Variants in BRD10 observed in about 807,000 individuals in gnomAD.
BRD10 encodes uncharacterized bromodomain-containing protein 10.
the BRD10 span, among the ~76,000 whole-genome samples, chr9:5,918,642 CTT>C: frequency 1.9e-3 from 258 of 133,988 alleles, no homozygotes; most frequent in African/African-American, 5.3e-3. Context: ...CCGTTAGTGG[CTT>C]TTTTTTTTTT....
At chr9:5,919,783 A>G in the BRD10 span, 1 of 1,613,772 alleles carries the variant, frequency 6.2e-7, no homozygotes, top group Non-Finnish European at 8.5e-7. Context: ...TCTGAGAGAG[A>G]GATGGAGAGA....
the BRD10 span, among the ~76,000 whole-genome samples, chr9:5,988,105 T>C: frequency 1.3e-5 from 2 of 152,246 alleles, no homozygotes; most frequent in African/African-American, 2.4e-5. Context: ...GAATGAATAC[T>C]ACTAGAAATC....
the BRD10 span, among the ~76,000 whole-genome samples, chr9:5,977,355 A>C: frequency 6.6e-6 from 1 of 152,202 alleles, no homozygotes; most frequent in Non-Finnish European, 1.5e-5. Flanking sequence ...AAAAAAGTAC[A>C]TGGCTGGTAT....
chr9:5,968,441 T>A, the BRD10 span: 1 of 1,612,366 alleles, frequency 6.2e-7, no homozygotes, highest in East Asian at 2.2e-5. Context: ...GCCAGTAACT[T>A]CCCCTGGACT....
the BRD10 span, chr9:5,881,518 C>T: frequency 6.6e-6 from 1 of 152,282 alleles, no homozygotes; most frequent in Non-Finnish European, 1.5e-5. Context: ...CCAGGGATGT[C>T]CTCCCAGGTG....
chr9:5,967,968 A>C, the BRD10 span: 2 of 1,197,210 alleles, frequency 1.7e-6, no homozygotes, highest in Middle Eastern at 5.7e-4. Flanking sequence ...AATGGAAAAA[A>C]CAATTTGAAT....
At chr9:6,008,224 C>T in the BRD10 span, 1 of 978,382 alleles carries the variant, frequency 1.0e-6, no homozygotes, top group Non-Finnish European at 1.2e-6. Context: ...CCGGAGGGGG[C>T]CGCAGCGGCG....
the BRD10 span, among the ~76,000 whole-genome samples, chr9:5,905,377 C>T: frequency 2.7e-4 from 41 of 152,270 alleles, no homozygotes; most frequent in Non-Finnish European, 4.4e-5. Context: ...GTTTTAGGTA[C>T]AACTGACCAG....
the BRD10 span, among the ~76,000 whole-genome samples, chr9:5,967,351 G>A: frequency 2.6e-5 from 4 of 152,164 alleles, no homozygotes; most frequent in African/African-American, 9.6e-5. Flanking sequence ...CAGAGCAATC[G>A]GCCACTGAAG....
the BRD10 span, among the ~76,000 whole-genome samples, chr9:5,928,022 C>G: frequency 2.6e-5 from 4 of 152,178 alleles, no homozygotes; most frequent in Admixed American, 1.3e-4. Flanking sequence ...TTAACATGTT[C>G]AAATCCAACT....
At chr9:5,924,852 TA>T in the BRD10 span, 3 of 1,466,992 alleles carry the variant, frequency 2.0e-6, no homozygotes, top group Admixed American at 2.2e-5. Flanking sequence ...GCTCCTGAAA[TA>T]AAATGCCCAA....
At chr9:5,959,426 A>C in the BRD10 span, among the ~76,000 whole-genome samples, 2 of 152,198 alleles carry the variant, frequency 1.3e-5, 1 homozygote, top group South Asian at 4.1e-4. Context: ...TAATAGTAAT[A>C]TTTATTTTTT....
the BRD10 span, among the ~76,000 whole-genome samples, chr9:5,987,640 G>A: frequency 6.6e-6 from 1 of 152,248 alleles, no homozygotes; most frequent in Non-Finnish European, 1.5e-5. Flanking sequence ...TACAAGAAGA[G>A]CAACAAAATA....
chr9:5,922,101 C>G, the BRD10 span: 2 of 1,613,978 alleles, frequency 1.2e-6, no homozygotes, highest in Non-Finnish European at 1.7e-6. Context: ...GAATTTTGAT[C>G]TGGGTTGGTC....
the BRD10 span, among the ~76,000 whole-genome samples, chr9:5,888,285 T>C: frequency 2.0e-5 from 3 of 152,234 alleles, no homozygotes; most frequent in African/African-American, 7.2e-5. Context: ...GAATCAGCTC[T>C]GGGGTCAATT....
chr9:5,882,213 T>C, the BRD10 span, among the ~76,000 whole-genome samples: 1 of 152,328 alleles, frequency 6.6e-6, no homozygotes, highest in East Asian at 1.9e-4. Flanking sequence ...AGGGCATCTC[T>C]GTCTTTGTCT....
chr9:6,003,079 C>G, the BRD10 span, among the ~76,000 whole-genome samples: 6 of 150,820 alleles, frequency 4.0e-5, no homozygotes, highest in Admixed American at 6.6e-5. Context: ...TTTAAGAAAG[C>G]CTTTTTATCC....
the BRD10 span, among the ~76,000 whole-genome samples, chr9:5,885,020 T>C: frequency 6.6e-6 from 1 of 152,182 alleles, no homozygotes; most frequent in South Asian, 2.1e-4. Flanking sequence ...GCCACAGCTC[T>C]TGCTCTCGGG....
the BRD10 span, among the ~76,000 whole-genome samples, chr9:5,981,101 T>C: frequency 6.6e-6 from 1 of 152,344 alleles, no homozygotes; most frequent in African/African-American, 2.4e-5. Flanking sequence ...TCTAGATCCA[T>C]TCTCCATCCT....
Sources: gnomAD v4.1 joint callset for allele counts (sites outside exome capture counted in the v4.1 genomes callset) on GRCh38, gnomAD v4.1.1 for gene constraint, MANE v1.5 for transcripts, NCBI Gene and HGNC (gene_info 2026-07-23, HGNC 2026-07-21) for gene names.